The following SPATA9 variants were observed in gnomAD, a reference collection of about 807,000 sequenced individuals.
SPATA9 encodes spermatogenesis-associated protein 9.
Under a neutral mutation model 25.5 loss-of-function variants are expected in SPATA9, and 27 were observed. The ratio of observed to expected loss-of-function variants is 1.06; its 90% CI spans 0.78 to 1.46. SPATA9 has a LOEUF of 1.46. SPATA9 is among the 40% of genes most tolerant of loss of function. The pLI, the probability that SPATA9 is intolerant of heterozygous loss-of-function variation, is 0.00. For missense variants in SPATA9, 282 were observed against 297.5 expected, an observed-to-expected ratio of 0.95 and a Z score of 0.38; for synonymous variants, 102 against 105.7, an observed-to-expected ratio of 0.97 and a Z score of 0.21.
At chr5:95,727,752 A>C in the SPATA9 span, among the ~76,000 whole-genome samples, 1 of 152,274 alleles carries the variant, frequency 6.6e-6, no homozygotes, top group Non-Finnish European at 1.5e-5. Flanking sequence ...AAATTATGAA[A>C]AGATCTTTAG....
At chr5:95,661,422 A>G (rs1751256374) in intron 4 of SPATA9, among the ~76,000 whole-genome samples, 1 of 152,160 alleles carries the variant, frequency 6.6e-6, no homozygotes, top group Admixed American at 6.5e-5. Context: ...AGATACATAT[A>G]TGACCAATTA....
intron 1 of SPATA9, among the ~76,000 whole-genome samples, chr5:95,688,919 T>C (rs1753815946): frequency 6.6e-6 from 1 of 152,150 alleles, no homozygotes; most frequent in East Asian, 1.9e-4. Flanking sequence ...AATCTATTAG[T>C]TACATCTCAG....
intron 3 of SPATA9, among the ~76,000 whole-genome samples, chr5:95,673,183 C>CA (rs1752574193): frequency 6.6e-6 from 1 of 152,088 alleles, no homozygotes; most frequent in African/African-American, 2.4e-5. Flanking sequence ...AAAAAGTCCC[C>CA]AGGGTCTCCT....
downstream of SPATA9, chr5:95,657,876 G>T (rs1750859472): frequency 6.6e-6 from 1 of 152,092 alleles, no homozygotes; most frequent in Non-Finnish European, 1.5e-5. Flanking sequence ...GCCCAGTCAG[G>T]TCTTAACACA....
At chr5:95,688,090 T>C (rs1413835788) in intron 1 of SPATA9, among the ~76,000 whole-genome samples, 1 of 152,164 alleles carries the variant, frequency 6.6e-6, no homozygotes, top group African/African-American at 2.4e-5. Flanking sequence ...AAAAAGAAAT[T>C]ATTATATCAG....
At chr5:95,730,371 A>G in the SPATA9 span, among the ~76,000 whole-genome samples, 4 of 152,240 alleles carry the variant, frequency 2.6e-5, no homozygotes, top group African/African-American at 9.6e-5. Flanking sequence ...TTAATACTGT[A>G]TGGAGGAGTC....
intron 1 of SPATA9, among the ~76,000 whole-genome samples, chr5:95,689,829 AC>A (rs1196597901): frequency 1.3e-5 from 2 of 152,154 alleles, no homozygotes; most frequent in African/African-American, 4.8e-5. Context: ...TGTGGTATAT[AC>A]CCACCATGGA....
chr5:95,721,806 G>A, the SPATA9 span, among the ~76,000 whole-genome samples: 1 of 151,922 alleles, frequency 6.6e-6, no homozygotes, highest in Non-Finnish European at 1.5e-5. Flanking sequence ...ATGTCTGTAA[G>A]ATAAGCCAAA....
chr5:95,676,697 GT>G lies in SPATA9; in HGVS notation c.151-1059del, dbSNP rs1752977515. Among the ~76,000 whole-genome samples the G allele has an allele frequency of 2.0e-5, 3 of 152,154 alleles. 1 individual carries two copies. In the South Asian group the frequency reaches 6.2e-4, roughly 32 times the overall value. Reference sequence around the variant, plus strand: ...CTACCATCATCTATTTTCCAGATTAGTGAATTTGCCTCCTAAGTGGTTTCTC... The same window carrying G: ...CTACCATCATCTATTTTCCAGATTAGGAATTTGCCTCCTAAGTGGTTTCTC... On this transcript the variant is annotated intron_variant, in intron 2 of 4. Transcript: ENST00000274432.
intron 2 of SPATA9, among the ~76,000 whole-genome samples, chr5:95,682,201 T>C (rs949525876): frequency 6.6e-6 from 1 of 152,240 alleles, no homozygotes; most frequent in East Asian, 1.9e-4. Flanking sequence ...TGATTTGACA[T>C]AGATTTTTGC....
chr5:95,731,689 G>A, the SPATA9 span: 1 of 1,613,380 alleles, frequency 6.2e-7, no homozygotes, highest in Non-Finnish European at 8.5e-7. Flanking sequence ...GATCATGTAC[G>A]TACGCGCCGC....
upstream of SPATA9, among the ~76,000 whole-genome samples, chr5:95,685,833 CGTTTGTTT>C (rs769372326): frequency 6.6e-6 from 1 of 151,826 alleles, no homozygotes; most frequent in African/African-American, 2.4e-5. Context: ...ATAGTTTTTT[CGTTTGTTT>C]GTTTGTTTCT....
chr5:95,694,337 A>T (rs1021762408), intron 1 of SPATA9, among the ~76,000 whole-genome samples: 5 of 152,182 alleles, frequency 3.3e-5, no homozygotes, highest in Non-Finnish European at 7.4e-5. Flanking sequence ...CCCTTCAGCT[A>T]TGGTCATAGA....
chr5:95,731,787 C>T, the SPATA9 span: 8 of 1,603,864 alleles, frequency 5.0e-6, no homozygotes, highest in African/African-American at 1.3e-5. Context: ...GTCCCCCGCA[C>T]TTCCTGTTCC....
chr5:95,687,179 C>T (rs1301252606), upstream of SPATA9, among the ~76,000 whole-genome samples: 2 of 152,210 alleles, frequency 1.3e-5, no homozygotes, highest in Admixed American at 6.5e-5. Flanking sequence ...GATAATTAGA[C>T]ACCCCATGGG....
chr5:95,725,560 A>T, the SPATA9 span, among the ~76,000 whole-genome samples: 1 of 152,232 alleles, frequency 6.6e-6, no homozygotes, highest in Non-Finnish European at 1.5e-5. Context: ...AGGAATGTTT[A>T]TTTTATAATT....
At chr5:95,701,790 C>T (rs1561423376), upstream of SPATA9, among the ~76,000 whole-genome samples, 1 of 152,120 alleles carries the variant, frequency 6.6e-6, no homozygotes, top group Non-Finnish European at 1.5e-5. Context: ...GTGAAAGTTG[C>T]CATGAGATGT....
chr5:95,706,465 A>G, the SPATA9 span, among the ~76,000 whole-genome samples: 105,120 of 151,106 alleles, frequency 0.7, 37,621 homozygotes, highest in East Asian at 0.97. Flanking sequence ...TGCCATGATT[A>G]GAAATTTCCT....
At chr5:95,652,562 T>C (rs1278897091), downstream of SPATA9, 1 of 445,462 alleles carries the variant, frequency 2.2e-6, no homozygotes, top group Non-Finnish European at 3.8e-6. Context: ...ACAGTTCACC[T>C]AGCTGCACAA....
Sources: allele counts gnomAD v4.1 joint callset (sites outside exome capture counted in the v4.1 genomes callset), GRCh38; gene constraint gnomAD v4.1.1; transcripts MANE v1.5; gene names NCBI Gene and HGNC (gene_info 2026-07-23, HGNC 2026-07-21).